The following TRDMT1 variants were observed in gnomAD, a reference collection of about 807,000 sequenced individuals.
TRDMT1 encodes the protein tRNA (cytosine(38)-C(5))-methyltransferase.
TRDMT1 carries 49 observed loss-of-function variants against 51.2 expected under a neutral mutation model. The ratio of observed to expected loss-of-function variants is 0.96; its 90% CI spans 0.76 to 1.21. The LOEUF (loss-of-function observed/expected upper bound fraction) is 1.21, where lower values mean the gene tolerates loss of function less well. Ranked by LOEUF, TRDMT1 falls within the 50% of genes most tolerant of loss-of-function variation. The probability of loss-of-function intolerance (pLI) is 0.00; values close to 1 mark genes in which losing one functional copy is unlikely to be tolerated. For missense variants in TRDMT1, 534 were observed against 462.3 expected, an observed-to-expected ratio of 1.16 and a Z score of -1.42; for synonymous variants, 187 against 164.6, an observed-to-expected ratio of 1.14 and a Z score of -1.04.
rs1837476073 is a variant in TRDMT1, at chr10:17,138,156, CAT to C, written c.*10882_*10883del. On this transcript the variant is annotated 3_prime_UTR_variant, in exon 11 of 11. Transcript: ENST00000377799. ...ACACCCCTAATGCTAGCTCCCATTA[CAT>C]GTTATAGCTTCAATCTGGCTTTTGT... is the stretch of plus-strand genomic sequence containing the variant. Among the ~76,000 whole-genome samples, 1 of 152,210 alleles carries C rather than the reference CAT, an allele frequency of 6.6e-6. No homozygotes were observed. Among genetic ancestry groups the C allele is most frequent in the Non-Finnish European group, 1.5e-5 (1 of 68,048 alleles).
intron 2 of TRDMT1, among the ~76,000 whole-genome samples, chr10:17,170,398 T>C (rs1564300680): frequency 6.6e-6 from 1 of 152,214 alleles, no homozygotes; most frequent in Non-Finnish European, 1.5e-5. Flanking sequence ...AAATTGATTT[T>C]TTACCTTATA....
intron 8 of TRDMT1, 104 bp downstream of exon 8, chr10:17,157,337 A>C: frequency 8.6e-7 from 1 of 1,159,122 alleles, no homozygotes; most frequent in Non-Finnish European, 1.2e-6. Context: ...TCTAGCAAAA[A>C]CATTTTATAA....
intron 1 of TRDMT1, among the ~76,000 whole-genome samples, chr10:17,181,554 T>G (rs1457329504): frequency 6.6e-6 from 1 of 152,216 alleles, no homozygotes; most frequent in Non-Finnish European, 1.5e-5. Context: ...AGATTATTAC[T>G]GATTACCCTC....
intron 1 of TRDMT1, among the ~76,000 whole-genome samples, chr10:17,194,767 T>C (rs1203539372): frequency 1.3e-5 from 2 of 152,064 alleles, no homozygotes; most frequent in East Asian, 1.9e-4. Flanking sequence ...ACCCTGTCTC[T>C]ACTAAAAATA....
chr10:17,195,716 TTC>T (rs1386666026), intron 1 of TRDMT1, among the ~76,000 whole-genome samples: 5 of 152,302 alleles, frequency 3.3e-5, no homozygotes, highest in African/African-American at 1.2e-4. Flanking sequence ...GAAGTTAAAG[TTC>T]TCTTTTACTG....
intron 1 of TRDMT1, among the ~76,000 whole-genome samples, chr10:17,182,831 C>A (rs921510041): frequency 1.3e-5 from 2 of 152,118 alleles, no homozygotes; most frequent in Non-Finnish European, 2.9e-5. Flanking sequence ...AATTTCATTA[C>A]AAGCAATTCA....
chr10:17,165,504 C>A (rs1381289747), intron 3 of TRDMT1, among the ~76,000 whole-genome samples: 1 of 152,092 alleles, frequency 6.6e-6, no homozygotes, highest in South Asian at 2.1e-4. Flanking sequence ...GCAACAAAAG[C>A]CAAAATTGAC....
At chr10:17,175,097 A>G (rs922952891) in intron 1 of TRDMT1, among the ~76,000 whole-genome samples, 4 of 152,238 alleles carry the variant, frequency 2.6e-5, no homozygotes, top group African/African-American at 9.6e-5. Flanking sequence ...GTTGCTTCAC[A>G]GTACCATTGA....
intron 3 of TRDMT1, among the ~76,000 whole-genome samples, chr10:17,162,778 G>A (rs746294155): frequency 1.3e-5 from 2 of 151,964 alleles, no homozygotes; most frequent in Non-Finnish European, 2.9e-5. Context: ...GGAAGGCAGA[G>A]GTTTAAAAGA....
At chr10:17,151,020 T>C (rs1588700574) in intron 10 of TRDMT1, 1 of 963,534 alleles carries the variant, frequency 1.0e-6, no homozygotes, top group Non-Finnish European at 1.2e-6. Context: ...TGTGTGTGTG[T>C]GCGTGCATCT....
In TRDMT1 at chr10:17,197,901, G is replaced by A. The variant is rs377420414; in HGVS notation, c.64+3670C>T. Among the ~76,000 whole-genome samples, 12 of 152,242 alleles carry A rather than the reference G, an allele frequency of 7.9e-5. 1 individual carries two copies. The highest frequency in any genetic ancestry group is 2.2e-4 in the African/African-American group (9 of 41,540). On this transcript the variant is annotated intron_variant, in intron 1 of 10. Coordinates refer to ENST00000377799, the MANE Select transcript of TRDMT1 (RefSeq NM_004412.7). ...TACAAAAAATTAGCCAGGCATGGTG[G>A]CAGGGACTTGTAATCCCAGCTGCTC...
chr10:17,161,150 C>A (rs1840299741), intron 5 of TRDMT1, among the ~76,000 whole-genome samples: 1 of 152,178 alleles, frequency 6.6e-6, no homozygotes, highest in African/African-American at 2.4e-5. Context: ...TACTTGTCAA[C>A]AGGACCAATT....
chr10:17,138,032 AT>A lies in TRDMT1; in HGVS notation c.*11007del, dbSNP rs1345189668. ...GTGATATTTCTGCTAGGCCAGCTGAATTTATCTGGAGGACTGGATCAATGTG... is the reference window on the plus strand; with the variant it reads ...GTGATATTTCTGCTAGGCCAGCTGAATTATCTGGAGGACTGGATCAATGTG... On this transcript the variant is annotated 3_prime_UTR_variant, in exon 11 of 11. Coordinates refer to ENST00000377799, the MANE Select transcript of TRDMT1 (RefSeq NM_004412.7). Among the ~76,000 whole-genome samples, 17 of 152,284 alleles carry A rather than the reference AT, an allele frequency of 1.1e-4. No homozygotes were observed. The highest frequency in any genetic ancestry group is 4.1e-4 in the African/African-American group (17 of 41,556).
At chr10:17,151,733 T>C in intron 10 of TRDMT1, 1 of 830,230 alleles carries the variant, frequency 1.2e-6, no homozygotes, top group East Asian at 1.2e-4. Context: ...ATAAAGATTA[T>C]AAAAGTAAAT....
At chr10:17,151,362 T>C (rs1838711675) in intron 10 of TRDMT1, 22 of 985,356 alleles carry the variant, frequency 2.2e-5, no homozygotes, top group Non-Finnish European at 2.7e-5. Context: ...CAGGTTAGTG[T>C]TTTTCTTCAA....
chr10:17,200,078 T>C (rs1475217180), intron 1 of TRDMT1, among the ~76,000 whole-genome samples: 1 of 152,232 alleles, frequency 6.6e-6, no homozygotes, highest in Admixed American at 6.5e-5. Flanking sequence ...ATTCTGTTTT[T>C]CACTTAGTAA....
intron 3 of TRDMT1, among the ~76,000 whole-genome samples, chr10:17,166,067 C>T (rs553887961): frequency 1.4e-3 from 216 of 152,208 alleles, no homozygotes; most frequent in African/African-American, 5.1e-3. Context: ...AAGACACATG[C>T]ACACGTATGT....
At chr10:17,150,647 TAGG>T in intron 10 of TRDMT1, 2 of 985,046 alleles carry the variant, frequency 2.0e-6, no homozygotes, top group Non-Finnish European at 2.4e-6. Flanking sequence ...GAAAAACAAT[TAGG>T]AGCATTAAGA....
intron 1 of TRDMT1, among the ~76,000 whole-genome samples, chr10:17,192,241 G>A (rs1018132112): frequency 2.6e-5 from 4 of 152,174 alleles, no homozygotes; most frequent in East Asian, 3.8e-4. Flanking sequence ...GCTCAGGTGT[G>A]GGCAACTAGA....
Sources: gnomAD v4.1 joint callset for allele counts (sites outside exome capture counted in the v4.1 genomes callset) on GRCh38, gnomAD v4.1.1 for gene constraint, MANE v1.5 for transcripts, NCBI Gene and HGNC (gene_info 2026-07-23, HGNC 2026-07-21) for gene names.